The following CMTM4 variants were observed in gnomAD, a reference collection of about 807,000 sequenced individuals.
The protein encoded by CMTM4 is CKLF like MARVEL transmembrane domain containing 4, also known as CKLF-like MARVEL transmembrane domain-containing protein 4.
A neutral mutation model predicts 19.0 loss-of-function variants in CMTM4; 8 were observed. That is an observed-to-expected ratio of 0.42 (90% CI 0.25 to 0.76). CMTM4 has a LOEUF of 0.76. CMTM4 is among the 30% of genes least tolerant of loss of function. The probability of loss-of-function intolerance (pLI) is 0.27; values close to 1 mark genes in which losing one functional copy is unlikely to be tolerated. For synonymous variants in CMTM4, 106 were observed against 121.1 expected (o/e 0.88, Z 0.82); for missense variants, 228 against 290.2 (o/e 0.79, Z 1.56).
chr16:66,676,585 C>T (rs1425959736), intron 1 of CMTM4, among the ~76,000 whole-genome samples: 3 of 152,196 alleles, frequency 2.0e-5, no homozygotes, highest in Non-Finnish European at 4.4e-5. Flanking sequence ...TTCACGATCC[C>T]TTAGAGTCTA....
At chr16:66,647,402 C>T (rs948268254) in intron 1 of CMTM4, among the ~76,000 whole-genome samples, 2 of 151,032 alleles carry the variant, frequency 1.3e-5, no homozygotes, top group Non-Finnish European at 2.9e-5. Context: ...AAAGAAAGTT[C>T]TCTTTTTAGT....
chr16:66,666,092 G>C, intron 1 of CMTM4, among the ~76,000 whole-genome samples: 1 of 139,624 alleles, frequency 7.2e-6, no homozygotes, highest in Non-Finnish European at 1.5e-5. Flanking sequence ...GAAAAGAAAG[G>C]AAAGGAAAGG....
downstream of CMTM4, chr16:66,609,888 T>C: frequency 1.4e-5 from 23 of 1,614,198 alleles, no homozygotes; most frequent in Non-Finnish European, 1.9e-5. The surrounding 1 kb of genome is among the most constrained non-coding windows in gnomAD (Gnocchi z 4.4). Flanking sequence ...CACAGGTGTT[T>C]GGCTTCTTTG....
chr16:66,645,456 T>C (rs1334882602), intron 1 of CMTM4, among the ~76,000 whole-genome samples: 1 of 151,204 alleles, frequency 6.6e-6, no homozygotes, highest in Non-Finnish European at 1.5e-5. Context: ...CGGGCACATA[T>C]AATCCCAGCT....
chr16:66,619,797 TCACGGCAC>T lies in CMTM4; in HGVS notation c.*2253_*2260del. The T allele has an allele frequency of 2.0e-6, 2 of 985,332 alleles. No individual in the cohort carries two copies. The highest frequency in any genetic ancestry group is 2.4e-6 in the Non-Finnish European group (2 of 829,916). The allele number at this position is 985,332 out of a possible 1,614,324, so 61.0% of individuals were successfully genotyped here. ...ACATTTACAAAACCACCGAGGAGCC[TCACGGCAC>T]AAAGGATATTAAATAGTTACAGGGA... On this transcript the variant is annotated 3_prime_UTR_variant, in exon 4 of 4. Coordinates refer to ENST00000394106, the MANE Select transcript of CMTM4 (RefSeq NM_181521.3).
intron 1 of CMTM4, among the ~76,000 whole-genome samples, chr16:66,649,035 G>A (rs537414739): frequency 6.6e-6 from 1 of 152,304 alleles, no homozygotes; most frequent in East Asian, 1.9e-4. Flanking sequence ...CAGACACTAT[G>A]TTCTAAACAG....
intron 2 of CMTM4, among the ~76,000 whole-genome samples, chr16:66,633,572 C>G (rs2015925364): frequency 6.6e-6 from 1 of 152,070 alleles, no homozygotes; most frequent in Non-Finnish European, 1.5e-5. Flanking sequence ...AACCTCAGCA[C>G]TTTGGGAGGC....
chr16:66,663,581 T>C (rs2016538732), intron 1 of CMTM4, among the ~76,000 whole-genome samples: 1 of 144,578 alleles, frequency 6.9e-6, no homozygotes, highest in East Asian at 2.2e-4. Context: ...TCTAGCTCTG[T>C]CGTCAGGCTG....
At chr16:66,638,203 C>T (rs1268699892) in intron 1 of CMTM4, among the ~76,000 whole-genome samples, 1 of 152,156 alleles carries the variant, frequency 6.6e-6, no homozygotes, top group East Asian at 1.9e-4. Flanking sequence ...GCCTCCGGAG[C>T]TTTTAGGGGG....
At chr16:66,660,532 T>C (rs1021537927) in intron 1 of CMTM4, among the ~76,000 whole-genome samples, 1 of 152,154 alleles carries the variant, frequency 6.6e-6, no homozygotes, top group Non-Finnish European at 1.5e-5. Context: ...AATCTGTACT[T>C]GTAAATATAT....
chr16:66,647,083 A>C (rs2016216289), intron 1 of CMTM4, among the ~76,000 whole-genome samples: 1 of 138,866 alleles, frequency 7.2e-6, no homozygotes, highest in Non-Finnish European at 1.5e-5. Flanking sequence ...TGGGAGGCCG[A>C]GGTGGGTGGA....
intron 2 of CMTM4, among the ~76,000 whole-genome samples, chr16:66,633,088 A>AAT (rs1160430895): frequency 1.0e-5 from 1 of 100,332 alleles, no homozygotes; most frequent in African/African-American, 5.2e-5. Flanking sequence ...TCCGTTTCAA[A>AAT]ATATATATAT....
At chr16:66,604,612 C>G in the CMTM4 span, 3 of 384,924 alleles carry the variant, frequency 7.8e-6, no homozygotes, top group African/African-American at 4.5e-5. Context: ...CAGCATCCCC[C>G]GCAGCCGGGG....
chr16:66,634,259 G>A (rs1212997106), intron 2 of CMTM4, among the ~76,000 whole-genome samples: 5 of 152,028 alleles, frequency 3.3e-5, no homozygotes, highest in African/African-American at 1.2e-4. Flanking sequence ...GGCCAAGATG[G>A]TGAAACCCCA....
intron 1 of CMTM4, among the ~76,000 whole-genome samples, chr16:66,661,788 C>A (rs2016503247): frequency 6.6e-6 from 1 of 152,018 alleles, no homozygotes; most frequent in Non-Finnish European, 1.5e-5. Context: ...AAAAAATTAG[C>A]CGGGCATAGT....
At chr16:66,609,551 T>A in the CMTM4 span, 1 of 1,573,600 alleles carries the variant, frequency 6.4e-7, no homozygotes. The surrounding 1 kb of genome is among the most constrained non-coding windows in gnomAD (Gnocchi z 4.4). Flanking sequence ...GCCCCACCCC[T>A]CTGGAAACTG....
intron 1 of CMTM4, among the ~76,000 whole-genome samples, chr16:66,664,965 CGAGA>C (rs113674213): frequency 1.3e-5 from 2 of 151,862 alleles, no homozygotes; most frequent in Middle Eastern, 3.4e-3. Context: ...CCTGTTTCTC[CGAGA>C]GAGAGTCTCC....
chr16:66,626,784 A>AG (rs397694097), intron 2 of CMTM4, among the ~76,000 whole-genome samples: 3 of 151,614 alleles, frequency 2.0e-5, no homozygotes, highest in Admixed American at 1.3e-4. Flanking sequence ...AAAAAAAAAA[A>AG]GAAAAAAAAG....
At chr16:66,661,776 CA>C (rs1163768851) in intron 1 of CMTM4, among the ~76,000 whole-genome samples, 1 of 151,686 alleles carries the variant, frequency 6.6e-6, no homozygotes, top group Non-Finnish European at 1.5e-5. Flanking sequence ...ACTAAAACAA[CA>C]AAAAAATTAG....
Sources: gnomAD v4.1 joint callset for allele counts (sites outside exome capture counted in the v4.1 genomes callset) on GRCh38, gnomAD v4.1.1 for gene constraint, Gnocchi (gnomAD v3.1) non-coding constraint, MANE v1.5 for transcripts, NCBI Gene and HGNC (gene_info 2026-07-23, HGNC 2026-07-21) for gene names.